Variants in RPS17 observed in about 807,000 individuals in gnomAD.
The protein encoded by RPS17 is ribosomal protein S17.
For synonymous variants in RPS17, 75 were observed against 65.6 expected (o/e 1.14, Z -0.70); for missense variants, 68 against 182.3 (o/e 0.37, Z 3.61).
Position 82,539,016 on chromosome 15 carries a change from T to C in RPS17, c.156-31A>G, listed in dbSNP as rs2034291415. 1.9e-6 allele frequency: 3 copies of C among 1,606,818 alleles called. No individual in the cohort carries two copies. In the East Asian group the frequency reaches 6.7e-5, roughly 36 times the overall value. ...AAGCACACACAGCCAAAGAGAACAG[T>C]GAGAAGACAAATCAACTCCCACCTG... On this transcript the variant is annotated intron_variant, in intron 2 of 4. Coordinates refer to ENST00000647841, the MANE Select transcript of RPS17 (RefSeq NM_001021.6).
chr15:82,538,836 T>C lies in RPS17; in HGVS notation c.261+44A>G. 6 of 1,594,166 alleles carry C rather than the reference T, an allele frequency of 3.8e-6. No homozygotes were observed. The East Asian group carries it at 1.3e-4, about 36-fold the overall frequency. On this transcript the variant is annotated intron_variant, in intron 3 of 4. Transcript: ENST00000647841. ...TGGAAGCCAAGAACCCATAGCTTTA[T>C]CATTTGAGGATTAGCCAGAAGCCCA...
chr15:82,537,325 T>C (rs911895207), intron 4 of RPS17: 1 of 293,516 alleles, frequency 3.4e-6, no homozygotes, highest in African/African-American at 2.2e-5. Flanking sequence ...GAACGAAAAA[T>C]GTGTCTGGAC....
chr15:82,540,383 G>C, intron 1 of RPS17, 43 bp downstream of exon 1: 2 of 1,591,164 alleles, frequency 1.3e-6, no homozygotes, highest in South Asian at 1.1e-5. Context: ...CTGCAGATGG[G>C]GGACGATTGT....
chr15:82,537,161 A>G, intron 4 of RPS17: 1 of 527,018 alleles, frequency 1.9e-6, no homozygotes, highest in Non-Finnish European at 3.4e-6. Context: ...CCTTCCTATC[A>G]ATCACTCTAA....
At chr15:82,538,510 CTTACAGTA>C in intron 3 of RPS17, 139 bp from the exon 4 acceptor site, 1 of 981,242 alleles carries the variant, frequency 1.0e-6, no homozygotes. Flanking sequence ...TGAGCAGTCT[CTTACAGTA>C]TTACAGACCC....
intron 1 of RPS17, 109 bp from the exon 2 acceptor site, chr15:82,540,241 G>A (rs998495786): frequency 4.4e-6 from 7 of 1,608,320 alleles, no homozygotes; most frequent in Non-Finnish European, 5.9e-6. Flanking sequence ...GCGCTGAGCC[G>A]GAGAGGGCCC....
chr15:82,537,118 T>G (rs2034253469), intron 4 of RPS17: 1 of 611,440 alleles, frequency 1.6e-6, no homozygotes, highest in Non-Finnish European at 3.0e-6. Flanking sequence ...TTTTACCCAA[T>G]GTACCATGCC....
chr15:82,537,212 T>C (rs1386408680), intron 4 of RPS17: 2 of 438,446 alleles, frequency 4.6e-6, no homozygotes, highest in African/African-American at 2.0e-5. Context: ...CATCCTGGGC[T>C]GGACATTCTT....
rs1309107698 is a variant in RPS17 at position 82,540,137 on chromosome 15, G to A, written c.4-5C>T. 2.2e-5 allele frequency: 36 copies of A among 1,613,610 alleles called. No individual in the cohort carries two copies. Among genetic ancestry groups the A allele is most frequent in the Non-Finnish European group, 3.0e-5 (35 of 1,179,884 alleles). On this transcript the variant is annotated splice_region_variant and splice_polypyrimidine_tract_variant and intron_variant, in intron 1 of 4. Transcript: ENST00000647841. The stretch of plus-strand genomic sequence containing the variant: ...GGTTTTGGTGCGAACGCGGCCCTGC[G>A]GGTGGAGAGGACAGGATCACTCACG...
rs958956510 is a variant in RPS17, at chr15:82,538,893, T to C, written c.248A>G (p.Asn83Ser). The change falls in exon 3 of 5, where the codon AAT (asparagine) becomes AGT (serine). Residue 83 changes from asparagine (N) to serine (S), a missense_variant. By Grantham distance (46) the Asn-to-Ser change is conservative. Transcript: ENST00000647841. ...LQEEERERRDNYVPEVSALDQ... is the reference protein window; with the variant it reads ...LQEEERERRDSYVPEVSALDQ... The stretch of plus-strand genomic sequence containing the variant: ...CAGAAAGTTTACCTCAGGAACATAA[T>C]TGTCTCTCCTTTCTCTCTCCTCCTC... 2.5e-6 allele frequency: 4 copies of C among 1,613,868 alleles called. No individual in the cohort carries two copies. The highest frequency in any genetic ancestry group is 3.4e-6 in the Non-Finnish European group (4 of 1,179,828).
chr15:82,537,056 T>G (rs1228156998), intron 4 of RPS17, 175 bp from the exon 5 acceptor site: 2 of 714,386 alleles, frequency 2.8e-6, no homozygotes, highest in Non-Finnish European at 5.2e-6. Context: ...CAGAGTGATC[T>G]TCCTTCAACA....
intron 2 of RPS17, chr15:82,539,410 G>C (rs1384375231): frequency 8.7e-6 from 4 of 461,154 alleles, no homozygotes; most frequent in African/African-American, 2.0e-5. Flanking sequence ...ACATCCAGCC[G>C]GGCGAGGTGG....
intron 2 of RPS17, 111 bp from the exon 3 acceptor site, chr15:82,539,096 G>A: frequency 1.9e-6 from 2 of 1,074,658 alleles, no homozygotes; most frequent in South Asian, 2.5e-5. Context: ...TCCACAGTGA[G>A]AAGGAAGAGG....
intron 3 of RPS17, 39 bp from the exon 4 acceptor site, chr15:82,538,410 G>T: frequency 1.9e-6 from 3 of 1,605,400 alleles, no homozygotes; most frequent in South Asian, 2.2e-5. Flanking sequence ...ACCAATCAAT[G>T]AGATTATCAC....
At chr15:82,540,199 G>A (rs2034323012) in intron 1 of RPS17, 67 bp from the exon 2 acceptor site, 2 of 1,612,684 alleles carry the variant, frequency 1.2e-6, no homozygotes, top group Admixed American at 3.3e-5. Flanking sequence ...GCGGCGCCGA[G>A]CCCCGGCCGG....
intron 2 of RPS17, chr15:82,539,664 G>A: frequency 6.7e-6 from 3 of 445,540 alleles, no homozygotes; most frequent in Non-Finnish European, 1.2e-5. Flanking sequence ...ACTCTAGCCT[G>A]GGCGCCAGGG....
Position 82,540,456 on chromosome 15 carries a change from A to G in RPS17, c.-28T>C. On this transcript the variant is annotated 5_prime_UTR_variant, in exon 1 of 5. Coordinates refer to ENST00000647841, the MANE Select transcript of RPS17 (RefSeq NM_001021.6). ...TGGCGGGTCCTTGGTAAAAGAGGAA[A>G]CAGGAAGCACAGGCGAAGCCTGTTA... 6.3e-7 allele frequency: 1 copy of G among 1,586,158 alleles called. No homozygotes were observed. The highest frequency in any genetic ancestry group is 2.3e-5 in the East Asian group (1 of 44,070).
chr15:82,538,946 T>G lies in RPS17; in HGVS notation c.195A>C (p.Pro65=), dbSNP rs2034289047. The change falls in exon 3 of 5, where the codon CCA becomes CCC. Residue 65 remains proline (P), a synonymous_variant. Transcript: ENST00000647841. ...GCAGCTTGATGGAGATACCTCTTACTGGGCCTCTCTGAATTCGCTTCATCA... is the reference window on the plus strand; with the variant it reads ...GCAGCTTGATGGAGATACCTCTTACGGGGCCTCTCTGAATTCGCTTCATCA... ...THLMKRIQRG[P]VRGISIKLQE... 1.9e-6 allele frequency: 3 copies of G among 1,613,850 alleles called. No homozygotes were observed. In the South Asian group the frequency reaches 3.3e-5, roughly 18 times the overall value.
At chr15:82,537,577 C>T (rs1329810467) in intron 4 of RPS17, 3 of 337,418 alleles carry the variant, frequency 8.9e-6, no homozygotes, top group Non-Finnish European at 1.7e-5. Context: ...AACTCCATGT[C>T]CTATTTGGTC....
Sources: gnomAD v4.1 joint callset for allele counts on GRCh38, gnomAD v4.1.1 for gene constraint, MANE v1.5 for transcripts, NCBI Gene and HGNC (gene_info 2026-07-23, HGNC 2026-07-21) for gene names.